LEPROTL1: variants seen among roughly 807,000 people sequenced by gnomAD.
LEPROTL1 encodes leptin receptor overlapping transcript-like 1.
LEPROTL1 carries 6 observed loss-of-function variants against 15.4 expected under a neutral mutation model. The ratio of observed to expected loss-of-function variants is 0.39; its 90% CI spans 0.21 to 0.77. The LOEUF is 0.77. Ranked by LOEUF, LEPROTL1 falls within the 30% of genes least tolerant of loss-of-function variation. The pLI is 0.41. For synonymous variants in LEPROTL1, 56 were observed against 52.6 expected (o/e 1.06, Z -0.28); for missense variants, 128 against 158.1 (o/e 0.81, Z 1.02).
In LEPROTL1 at chr8:30,132,094, G is replaced by A. The variant is rs1803028273; in HGVS notation, c.280-281G>A. The A allele has an allele frequency of 4.5e-6, 7 of 1,551,756 alleles. No homozygotes were observed. The highest frequency in any genetic ancestry group is 5.2e-6 in the Non-Finnish European group (6 of 1,147,012). On this transcript the variant is annotated intron_variant, in intron 3 of 4. Coordinates refer to the LEPROTL1 transcript ENST00000442880. The stretch of plus-strand genomic sequence containing the variant: ...CATGATGTAGGCAATGATCAACTGG[G>A]TGTGGGCCCAGGTGAGGGTTCTATA...
At chr8:30,125,068 ATG>A (rs1318577110) in intron 3 of LEPROTL1, among the ~76,000 whole-genome samples, 1 of 152,244 alleles carries the variant, frequency 6.6e-6, no homozygotes, top group Non-Finnish European at 1.5e-5. Flanking sequence ...CTTGAATCTT[ATG>A]AACTGCACAA....
chr8:30,133,311 G>A (rs777669582), intron 4 of LEPROTL1, among the ~76,000 whole-genome samples: 18 of 152,118 alleles, frequency 1.2e-4, no homozygotes, highest in South Asian at 8.3e-4. Context: ...TGAAATTAGC[G>A]TAAAAAATCT....
chr8:30,098,505 G>A (rs1425707383), intron 1 of LEPROTL1, among the ~76,000 whole-genome samples: 2 of 152,116 alleles, frequency 1.3e-5, no homozygotes, highest in Non-Finnish European at 2.9e-5. Context: ...GTTTTCTCCA[G>A]GATTCTAAGT....
chr8:30,137,157 C>A, intron 4 of LEPROTL1: 1 of 818,744 alleles, frequency 1.2e-6, no homozygotes, highest in South Asian at 1.7e-5. Flanking sequence ...CAGAGAGAGC[C>A]AGGAACATGA....
intron 1 of LEPROTL1, among the ~76,000 whole-genome samples, chr8:30,100,602 A>T (rs1447545995): frequency 6.6e-6 from 1 of 152,186 alleles, no homozygotes; most frequent in African/African-American, 2.4e-5. Context: ...GGCATGTGCC[A>T]CCACACCCAG....
At chr8:30,101,522 C>T (rs1460017071) in intron 1 of LEPROTL1, among the ~76,000 whole-genome samples, 2 of 151,988 alleles carry the variant, frequency 1.3e-5, no homozygotes, top group Admixed American at 6.6e-5. Context: ...AGAAAATTAA[C>T]AGGATGTGGT....
chr8:30,116,538 A>G (rs1563216830), intron 3 of LEPROTL1, among the ~76,000 whole-genome samples: 2 of 152,012 alleles, frequency 1.3e-5, no homozygotes, highest in Non-Finnish European at 1.5e-5. Context: ...CAGGAGGTGG[A>G]GCTCAGGTAG....
At chr8:30,110,986 A>G (rs552442200), downstream of LEPROTL1, among the ~76,000 whole-genome samples, 3 of 152,356 alleles carry the variant, frequency 2.0e-5, no homozygotes, top group East Asian at 3.8e-4. Context: ...CAACTGTGAC[A>G]TAAAAGTAAA....
intron 3 of LEPROTL1, among the ~76,000 whole-genome samples, chr8:30,122,930 A>G (rs1802850812): frequency 6.6e-6 from 1 of 152,208 alleles, no homozygotes; most frequent in Admixed American, 6.5e-5. Flanking sequence ...TAAACCAATA[A>G]TCATTGGTTC....
Position 30,107,639 on chromosome 8 carries a change from G to A in LEPROTL1, c.*1777G>A. The A allele has an allele frequency of 1.0e-6, 1 of 985,804 alleles. No individual in the cohort carries two copies. Among genetic ancestry groups the A allele is most frequent in the East Asian group, 1.1e-4 (1 of 8,826 alleles). 61.1% of individuals were successfully genotyped at this position (985,804 alleles called of 1,614,324 possible). On this transcript the variant is annotated 3_prime_UTR_variant, in exon 4 of 4. Coordinates refer to ENST00000321250, the MANE Select transcript of LEPROTL1 (RefSeq NM_015344.3). ...GGCTGGAGCCTTCCCACTGGAGGCT[G>A]AAAGTGGCTTGTGGTATTATAATGT...
chr8:30,105,992 T>C lies in LEPROTL1; in HGVS notation c.*130T>C, dbSNP rs1433979302. On this transcript the variant is annotated 3_prime_UTR_variant, in exon 4 of 4. Coordinates refer to ENST00000321250, the MANE Select transcript of LEPROTL1 (RefSeq NM_015344.3). Reference sequence around the variant, plus strand: ...TGGGGGTATTTTAGGTGCTCCCTTCTCACTTTTATTGTAAGCATACTATTT... The same window carrying C: ...TGGGGGTATTTTAGGTGCTCCCTTCCCACTTTTATTGTAAGCATACTATTT... 2 of 1,281,938 alleles carry C rather than the reference T, an allele frequency of 1.6e-6. No homozygotes were observed. Among genetic ancestry groups the C allele is most frequent in the Middle Eastern group, 3.0e-4 (1 of 3,388 alleles). The allele number at this position is 1,281,938 out of a possible 1,614,324, so 79.4% of individuals were successfully genotyped here.
chr8:30,111,449 T>A (rs1415545559), downstream of LEPROTL1, among the ~76,000 whole-genome samples: 2 of 152,212 alleles, frequency 1.3e-5, no homozygotes, highest in Non-Finnish European at 2.9e-5. Context: ...TCCAGTGTAT[T>A]AGGTAGAAAC....
At chr8:30,133,028 A>G (rs1803061091) in intron 4 of LEPROTL1, 1 of 837,656 alleles carries the variant, frequency 1.2e-6, no homozygotes, top group South Asian at 2.4e-5. Flanking sequence ...GATTAATCTC[A>G]TGGCCTGCAG....
chr8:30,134,763 G>A lies in LEPROTL1; in HGVS notation c.394+2274G>A, dbSNP rs555165903. 3.3e-5 allele frequency among the ~76,000 whole-genome samples: 5 copies of A among 152,274 alleles called. No individual in the cohort carries two copies. In the South Asian group the frequency reaches 1.0e-3, roughly 32 times the overall value. On this transcript the variant is annotated intron_variant, in intron 4 of 4. Transcript: ENST00000442880. ...GGGTTTCGCCATGTCTGCCAGGCTG[G>A]TCTTGAACTCCTCATCTCAGGAGAT...
In LEPROTL1 at chr8:30,107,575, A is replaced by G. The variant is rs907888934; in HGVS notation, c.*1713A>G. 1.0e-6 allele frequency: 1 copy of G among 985,870 alleles called. No homozygotes were observed. The highest frequency in any genetic ancestry group is 1.2e-6 in the Non-Finnish European group (1 of 829,932). 61.1% of individuals were successfully genotyped at this position (985,870 alleles called of 1,614,324 possible). A position where few individuals can be genotyped will look rare whatever the true frequency, so the allele number is the denominator to read the frequency against. On this transcript the variant is annotated 3_prime_UTR_variant, in exon 4 of 4. Transcript: ENST00000321250. Reference sequence around the variant, plus strand: ...GCCTAACTTAAGCCATGACTTTTAGATATGAGATGACGGGAAGCAGGACGA... The same window carrying G: ...GCCTAACTTAAGCCATGACTTTTAGGTATGAGATGACGGGAAGCAGGACGA...
chr8:30,113,292 G>C (rs577672862), downstream of LEPROTL1, among the ~76,000 whole-genome samples: 3 of 151,936 alleles, frequency 2.0e-5, no homozygotes, highest in South Asian at 2.1e-4. Flanking sequence ...AACAAACAAA[G>C]AACAGAGAAA....
At chr8:30,138,267 C>A (rs1184636363), downstream of LEPROTL1, 1 of 318,980 alleles carries the variant, frequency 3.1e-6, no homozygotes, top group African/African-American at 2.1e-5. Flanking sequence ...TGCAATTCCC[C>A]TGTTTGTCTA....
chr8:30,101,721 A>G lies in LEPROTL1; in HGVS notation c.17-177A>G, dbSNP rs1457754293. 4.6e-5 allele frequency among the ~76,000 whole-genome samples: 7 copies of G among 151,604 alleles called. No individual in the cohort carries two copies. In the East Asian group the frequency reaches 1.3e-3, roughly 29 times the overall value. ...GCCAGTGTCACTTCATTTTGCCTTGAAGATACCACAGAAGACTTATTCTAA... is the reference window on the plus strand; with the variant it reads ...GCCAGTGTCACTTCATTTTGCCTTGGAGATACCACAGAAGACTTATTCTAA... On this transcript the variant is annotated intron_variant, in intron 1 of 3. Transcript: ENST00000321250.
Position 30,105,988 on chromosome 8 carries a change from C to T in LEPROTL1, c.*126C>T. On this transcript the variant is annotated 3_prime_UTR_variant, in exon 4 of 4. Coordinates refer to ENST00000321250, the MANE Select transcript of LEPROTL1 (RefSeq NM_015344.3). ...CTCTTGGGGGTATTTTAGGTGCTCC[C>T]TTCTCACTTTTATTGTAAGCATACT... The T allele has an allele frequency of 1.6e-6, 2 of 1,285,486 alleles. No homozygotes were observed. Among genetic ancestry groups the T allele is most frequent in the Non-Finnish European group, 2.0e-6 (2 of 1,005,354 alleles). 79.6% of individuals were successfully genotyped at this position (1,285,486 alleles called of 1,614,324 possible).
Sources: gnomAD v4.1 joint callset for allele counts (sites outside exome capture counted in the v4.1 genomes callset) on GRCh38, gnomAD v4.1.1 for gene constraint, MANE v1.5 for transcripts, NCBI Gene and HGNC (gene_info 2026-07-23, HGNC 2026-07-21) for gene names.